The following GK3 variants were observed in gnomAD, a reference collection of about 807,000 sequenced individuals.
GK3 encodes the protein glycerol kinase 3 pseudogene.
At chr4:165,278,214 CCT>C in the GK3 span, 1 of 1,216,318 alleles carries the variant, frequency 8.2e-7, no homozygotes. Flanking sequence ...GCGGACAAAT[CCT>C]CAGGTTCAAG....
the GK3 span, chr4:165,278,430 C>G: frequency 6.8e-7 from 1 of 1,480,608 alleles, no homozygotes; most frequent in Non-Finnish European, 9.5e-7. Context: ...TCCAAAATCT[C>G]TCGAGTTTGG....
At chr4:165,278,454 C>G in the GK3 span, 5 of 1,542,558 alleles carry the variant, frequency 3.2e-6, no homozygotes, top group African/African-American at 6.8e-5. Context: ...CAAACAGCTT[C>G]TAATGCAGCA....
the GK3 span, chr4:165,278,743 G>A: frequency 6.3e-7 from 1 of 1,585,620 alleles, no homozygotes; most frequent in Non-Finnish European, 8.7e-7. Context: ...CCACTGTGGT[G>A]AGAAGGCCAT....
chr4:165,278,675 A>C, the GK3 span: 1 of 1,601,244 alleles, frequency 6.2e-7, no homozygotes, highest in Non-Finnish European at 8.6e-7. Flanking sequence ...AGCACCAGCT[A>C]TAGCTACAGA....
At chr4:165,278,314 A>C in the GK3 span, 2 of 1,086,074 alleles carry the variant, frequency 1.8e-6, no homozygotes, top group African/African-American at 3.1e-5. Context: ...TCACTACTGG[A>C]ATATACAGAA....
the GK3 span, chr4:165,278,235 C>T: frequency 1.7e-5 from 20 of 1,150,540 alleles, no homozygotes; most frequent in South Asian, 1.3e-4. Flanking sequence ...AGACTCCATA[C>T]GTCGACTCCT....
At chr4:165,278,804 G>A in the GK3 span, 1 of 1,544,366 alleles carries the variant, frequency 6.5e-7, no homozygotes, top group Non-Finnish European at 9.0e-7. Context: ...GAAACATCCT[G>A]TTCCATACGT....
chr4:165,279,120 CAA>C, the GK3 span: 1 of 1,600,006 alleles, frequency 6.2e-7, no homozygotes, highest in African/African-American at 1.3e-5. Context: ...TCAATAGTCC[CAA>C]AAAGAGCTCG....
chr4:165,278,114 A>G, the GK3 span: 3 of 1,555,732 alleles, frequency 1.9e-6, no homozygotes, highest in East Asian at 2.2e-5. Context: ...AACCCAACCC[A>G]TTGACTTCAT....
the GK3 span, chr4:165,278,147 T>A: frequency 6.6e-7 from 1 of 1,507,220 alleles, no homozygotes; most frequent in Non-Finnish European, 9.2e-7. Flanking sequence ...CCATGTAGAA[T>A]AACGAATTTC....
the GK3 span, chr4:165,278,566 G>A: frequency 4.5e-5 from 73 of 1,609,848 alleles, no homozygotes; most frequent in South Asian, 4.5e-4. Context: ...ATGCTGGGAC[G>A]AAGTAGCAGC....
chr4:165,279,538 A>C, the GK3 span: 1 of 1,554,662 alleles, frequency 6.4e-7, no homozygotes, highest in South Asian at 1.1e-5. Context: ...GATGATGACT[A>C]AGTAGTTCAG....
the GK3 span, chr4:165,278,655 A>G: frequency 1.3e-6 from 2 of 1,595,978 alleles, no homozygotes; most frequent in South Asian, 2.2e-5. Flanking sequence ...TCTCTTAGCC[A>G]GCGAATAACA....
the GK3 span, chr4:165,278,516 C>G: frequency 6.2e-7 from 1 of 1,609,080 alleles, no homozygotes; most frequent in Non-Finnish European, 8.5e-7. Context: ...GATTATCCCT[C>G]TTGCGCTGGG....
At chr4:165,278,481 T>G in the GK3 span, 3 of 1,590,678 alleles carry the variant, frequency 1.9e-6, no homozygotes, top group Non-Finnish European at 2.6e-6. Flanking sequence ...ATATGGCATT[T>G]ATTCGTGAAT....
chr4:165,278,950 A>T, the GK3 span: 12 of 1,463,942 alleles, frequency 8.2e-6, no homozygotes, highest in Non-Finnish European at 1.2e-5. Context: ...AACTCCGAAC[A>T]TGTGGAAGAA....
chr4:165,279,128 G>A, the GK3 span: 1 of 1,601,286 alleles, frequency 6.2e-7, no homozygotes, highest in Non-Finnish European at 8.6e-7. Context: ...CCCAAAAAGA[G>A]CTCGTTTTTC....
At chr4:165,277,897 A>G in the GK3 span, 1 of 841,226 alleles carries the variant, frequency 1.2e-6, no homozygotes, top group Non-Finnish European at 2.1e-6. Flanking sequence ...GTCTATGAAT[A>G]GTGTCATCGC....
At chr4:165,279,080 C>T in the GK3 span, 5 of 1,543,118 alleles carry the variant, frequency 3.2e-6, no homozygotes, top group Non-Finnish European at 4.5e-6. Flanking sequence ...TCCATTGACG[C>T]CTCCTGTCAA....
Sources: allele counts gnomAD v4.1 joint callset, GRCh38; gene constraint gnomAD v4.1.1; transcripts MANE v1.5; gene names NCBI Gene and HGNC (gene_info 2026-07-23, HGNC 2026-07-21).